Variants in FAM13A observed in about 807,000 individuals in gnomAD.
The protein encoded by FAM13A is family with sequence similarity 13 member A.
A neutral mutation model predicts 129.6 loss-of-function variants in FAM13A; 76 were observed. That is an observed-to-expected ratio of 0.59 (90% CI 0.49 to 0.71). The LOEUF is 0.71. FAM13A is among the 30% of genes least tolerant of loss of function. The pLI, the probability that FAM13A is intolerant of heterozygous loss-of-function variation, is 0.00. For missense variants in FAM13A, 1,108 were observed against 1,249.3 expected, an observed-to-expected ratio of 0.89 and a Z score of 1.70; for synonymous variants, 443 against 449.9, an observed-to-expected ratio of 0.98 and a Z score of 0.20.
chr4:88,958,937 T>C (rs1451298491), intron 4 of FAM13A, among the ~76,000 whole-genome samples: 1 of 152,230 alleles, frequency 6.6e-6, no homozygotes, highest in Non-Finnish European at 1.5e-5. Flanking sequence ...GAGTGTGCCC[T>C]GGATGTGGGA....
intron 7 of FAM13A, among the ~76,000 whole-genome samples, chr4:88,841,493 CAAAA>C (rs35396785): frequency 0.05 from 4,876 of 96,618 alleles, 64 homozygotes; most frequent in African/African-American, 0.059. Flanking sequence ...GACTCTGTCT[CAAAA>C]AAAAAAAAAA....
chr4:88,918,556 G>A (rs1475337233), intron 5 of FAM13A, among the ~76,000 whole-genome samples: 1 of 152,160 alleles, frequency 6.6e-6, no homozygotes, highest in Non-Finnish European at 1.5e-5. Flanking sequence ...AATGAGATCA[G>A]GAAACAATGC....
At chr4:88,793,297 A>G (rs2149685966) in intron 8 of FAM13A, among the ~76,000 whole-genome samples, 1 of 152,152 alleles carries the variant, frequency 6.6e-6, no homozygotes, top group East Asian at 1.9e-4. Flanking sequence ...TTAGAGAAAA[A>G]TGACCTGAAC....
intron 6 of FAM13A, among the ~76,000 whole-genome samples, chr4:88,888,261 G>A (rs183467198): frequency 2.0e-5 from 3 of 152,216 alleles, no homozygotes; most frequent in Non-Finnish European, 4.4e-5. Context: ...GGTTTATTCT[G>A]CTTATTTGAA....
At position 88,870,831 on chromosome 4, in the gene FAM13A, A is replaced by G. The variant is rs7690881; in HGVS notation, c.844-19648T>C. Among the ~76,000 whole-genome samples the G allele has an allele frequency of 2.3e-3, 349 of 152,222 alleles. 3 individuals are homozygous for G. Among genetic ancestry groups the G allele is most frequent in the African/African-American group, 8.1e-3 (337 of 41,546 alleles). On this transcript the variant is annotated intron_variant, in intron 6 of 23. Transcript: ENST00000264344. Reference sequence around the variant, plus strand: ...CAGACTGCCTCCTCAAGTGGGTCCCAGAACTCTGTGTAGCCTAACTGGGAG... The same window carrying G: ...CAGACTGCCTCCTCAAGTGGGTCCCGGAACTCTGTGTAGCCTAACTGGGAG...
intron 6 of FAM13A, among the ~76,000 whole-genome samples, chr4:88,875,168 G>C (rs1183815202): frequency 1.3e-5 from 2 of 152,122 alleles, no homozygotes; most frequent in African/African-American, 4.8e-5. Context: ...TTAAATGTTA[G>C]ACCTAAAACC....
At chr4:88,793,274 T>C (rs1725527932) in intron 8 of FAM13A, among the ~76,000 whole-genome samples, 1 of 152,092 alleles carries the variant, frequency 6.6e-6, no homozygotes, top group South Asian at 2.1e-4. Flanking sequence ...CACATCGAAA[T>C]TTCTCCAACA....
chr4:88,960,213 A>G (rs939869303), intron 4 of FAM13A, among the ~76,000 whole-genome samples: 3 of 152,236 alleles, frequency 2.0e-5, no homozygotes, highest in East Asian at 3.8e-4. Context: ...TGAAAATGCT[A>G]TAAGAAATCC....
chr4:88,864,235 A>G (rs1169907680), intron 6 of FAM13A, among the ~76,000 whole-genome samples: 1 of 152,236 alleles, frequency 6.6e-6, no homozygotes, highest in Non-Finnish European at 1.5e-5. Context: ...CCAGTCAGGG[A>G]GAAGGATGCC....
chr4:88,750,836 T>C (rs947326518), intron 14 of FAM13A, among the ~76,000 whole-genome samples, 199 bp from the exon 15 acceptor site: 1 of 152,220 alleles, frequency 6.6e-6, no homozygotes, highest in Admixed American at 6.5e-5. Flanking sequence ...CCATCATCTG[T>C]CTACCTCTCG....
At position 88,750,021 on chromosome 4, in the gene FAM13A, G is replaced by A. The variant is rs560878333; in HGVS notation, c.1941-112C>T. On this transcript the variant is annotated intron_variant, in intron 15 of 23. Coordinates refer to ENST00000264344, the MANE Select transcript of FAM13A (RefSeq NM_014883.4). ...CATGCGGTGGTGGGGTGGGGGCAGTGCGGAGACAAAACAGCCTCTCTCCTC... is the reference window on the plus strand; with the variant it reads ...CATGCGGTGGTGGGGTGGGGGCAGTACGGAGACAAAACAGCCTCTCTCCTC... The A allele has an allele frequency of 4.1e-4, 443 of 1,071,418 alleles. 1 individual carries two copies. Among genetic ancestry groups the A allele is most frequent in the Non-Finnish European group, 5.4e-4 (396 of 738,450 alleles). 66.4% of individuals were successfully genotyped at this position (1,071,418 alleles called of 1,614,324 possible). A position where few individuals can be genotyped will look rare whatever the true frequency, so the allele number is the denominator to read the frequency against.
At chr4:89,049,268 A>C (rs1005873389) in intron 1 of FAM13A, among the ~76,000 whole-genome samples, 1 of 152,182 alleles carries the variant, frequency 6.6e-6, no homozygotes, top group Non-Finnish European at 1.5e-5. Context: ...AACTCAAAAA[A>C]AAAAAATTAC....
At chr4:89,020,333 T>TCTTC (rs1174847410) in intron 3 of FAM13A, 127 bp downstream of exon 3, 1 of 526,400 alleles carries the variant, frequency 1.9e-6, no homozygotes, top group African/African-American at 2.0e-5. Context: ...CCCACGGTGG[T>TCTTC]CTTCAACTCC....
intron 6 of FAM13A, among the ~76,000 whole-genome samples, chr4:88,901,321 C>A (rs572142143): frequency 6.6e-6 from 1 of 152,098 alleles, no homozygotes; most frequent in Non-Finnish European, 1.5e-5. Context: ...ACTCTCCACC[C>A]ACAAACAACT....
At chr4:88,901,988 C>T (rs898990389) in intron 6 of FAM13A, among the ~76,000 whole-genome samples, 14 of 151,926 alleles carry the variant, frequency 9.2e-5, no homozygotes, top group African/African-American at 3.1e-4. Flanking sequence ...CCACTATGCA[C>T]ATAAACTAGA....
chr4:88,732,006 A>C lies in FAM13A; in HGVS notation c.2839T>G (p.Ser947Ala). The C allele has an allele frequency of 6.2e-7, 1 of 1,608,808 alleles. No individual in the cohort carries two copies. Among genetic ancestry groups the C allele is most frequent in the Non-Finnish European group, 8.5e-7 (1 of 1,177,184 alleles). ...DTGLSNLHAA[S>A]IPELLEHLQE... The stretch of plus-strand genomic sequence containing the variant: ...ACCACCACCAAAATGACATACATTG[A>C]GGCAGCATGGAGATTTGAAAGCCCT... Residue 947 changes from serine to alanine, a missense_variant, in exon 22 of 24, where the codon TCA (serine) becomes GCA (alanine). This residue lies in a region of FAM13A where 529 missense variants were observed against 621.2 expected (regional missense o/e 0.85). Coordinates refer to ENST00000264344, the MANE Select transcript of FAM13A (RefSeq NM_014883.4).
intron 7 of FAM13A, among the ~76,000 whole-genome samples, chr4:88,844,879 G>A (rs555201097): frequency 6.6e-6 from 1 of 152,276 alleles, no homozygotes; most frequent in African/African-American, 2.4e-5. Context: ...TGGATGACAG[G>A]GGTAAGGAGT....
rs1736548260 is a variant in FAM13A, at chr4:88,726,747, A to G, written c.*1786T>C. 6.5e-6 allele frequency: 1 copy of G among 152,684 alleles called. No homozygotes were observed. The allele number at this position is 152,684 out of a possible 1,614,324, so 9.5% of individuals were successfully genotyped here. On this transcript the variant is annotated 3_prime_UTR_variant, in exon 24 of 24. Coordinates refer to ENST00000264344, the MANE Select transcript of FAM13A (RefSeq NM_014883.4). Reference sequence around the variant, plus strand: ...ATTTATAATCTCACTCCTTGAAATTATAGCAATCTGCAATGTAAACAGTAG... The same window carrying G: ...ATTTATAATCTCACTCCTTGAAATTGTAGCAATCTGCAATGTAAACAGTAG...
intron 3 of FAM13A, among the ~76,000 whole-genome samples, chr4:89,016,199 A>C (rs575176693): frequency 7.6e-4 from 109 of 143,326 alleles, no homozygotes; most frequent in African/African-American, 2.1e-3. Context: ...AAAAAAAAAA[A>C]AACACAATTT....
Sources: gnomAD v4.1 joint callset for allele counts (sites outside exome capture counted in the v4.1 genomes callset) on GRCh38, gnomAD v4.1.1 for gene constraint, gnomAD v4.1.1 regional missense constraint, MANE v1.5 for transcripts, NCBI Gene and HGNC (gene_info 2026-07-23, HGNC 2026-07-21) for gene names.